Variants in BCAS3 observed in about 807,000 individuals in gnomAD.
BCAS3 encodes BCAS3 microtubule associated cell migration factor.
A neutral mutation model predicts 116.1 loss-of-function variants in BCAS3; 53 were observed. The ratio of observed to expected loss-of-function variants is 0.46; its 90% confidence interval spans 0.37 to 0.57. The LOEUF is 0.57. Ranked by LOEUF, BCAS3 falls within the 20% of genes least tolerant of loss-of-function variation. The pLI, the probability that BCAS3 is intolerant of heterozygous loss-of-function variation, is 0.00. For synonymous variants in BCAS3, 391 were observed against 408.2 expected, an observed-to-expected ratio of 0.96 and a Z score of 0.51; for missense variants, 917 against 1,165.4, an observed-to-expected ratio of 0.79 and a Z score of 3.10.
chr17:60,729,204 T>C (rs1333329035), intron 5 of BCAS3, among the ~76,000 whole-genome samples: 1 of 152,256 alleles, frequency 6.6e-6, no homozygotes, highest in Admixed American at 6.5e-5. Flanking sequence ...ATTTCACTAT[T>C]TAAATATACC....
chr17:60,701,740 A>T (rs2036419126), intron 4 of BCAS3, among the ~76,000 whole-genome samples: 1 of 150,830 alleles, frequency 6.6e-6, no homozygotes, highest in Non-Finnish European at 1.5e-5. Flanking sequence ...CAGGTGGATC[A>T]TTTGAGGTCA....
chr17:61,094,899 CATA>C (rs2073868978), intron 22 of BCAS3, among the ~76,000 whole-genome samples: 1 of 152,058 alleles, frequency 6.6e-6, no homozygotes, highest in Non-Finnish European at 1.5e-5. Flanking sequence ...TGATTTTTTG[CATA>C]ATAGATATTA....
intron 22 of BCAS3, among the ~76,000 whole-genome samples, chr17:61,230,269 G>T (rs534082873): frequency 1.5e-4 from 23 of 152,108 alleles, no homozygotes; most frequent in Non-Finnish European, 2.5e-4. Flanking sequence ...AAGCAAAACA[G>T]CTCTCCGTGG....
In BCAS3 at chr17:61,271,623, G is replaced by GTGTGT. The variant is rs2050282626; in HGVS notation, c.2426-96703_2426-96699dup. On this transcript the variant is annotated intron_variant, in intron 22 of 23. Coordinates refer to ENST00000407086, the MANE Select transcript of BCAS3 (RefSeq NM_017679.5). Reference sequence around the variant, plus strand: ...TGTGTGTGTGTGTGTGTGTGTGTGTGTGTGTGTGTGTTTAGTAGAGACGGG... The same window carrying GTGTGT: ...TGTGTGTGTGTGTGTGTGTGTGTGTGTGTGTTGTGTGTGTGTTTAGTAGAGACGGG... Among the ~76,000 whole-genome samples, 4 of 135,174 alleles carry GTGTGT rather than the reference G, an allele frequency of 3.0e-5. No individual in the cohort carries two copies. The South Asian group carries it at 1.0e-3, about 34-fold the overall frequency. The allele number at this position is 135,174 out of a possible 152,430, so 88.7% of individuals were successfully genotyped here.
chr17:60,795,142 T>C (rs2047102926), intron 6 of BCAS3, among the ~76,000 whole-genome samples: 1 of 152,188 alleles, frequency 6.6e-6, no homozygotes, highest in Non-Finnish European at 1.5e-5. Flanking sequence ...GTTATGTATA[T>C]TCCTAAGTAT....
intron 9 of BCAS3, among the ~76,000 whole-genome samples, chr17:60,887,765 G>GT (rs2056828870): frequency 1.3e-5 from 2 of 152,086 alleles, no homozygotes; most frequent in Non-Finnish European, 2.9e-5. Context: ...CAGTTTTTTT[G>GT]TTTTTTGAAA....
At chr17:60,934,211 C>T (rs2059805842) in intron 13 of BCAS3, among the ~76,000 whole-genome samples, 1 of 152,044 alleles carries the variant, frequency 6.6e-6, no homozygotes, top group African/African-American at 2.4e-5. Context: ...CAAAAATGCC[C>T]AGGTCCCACC....
At position 61,348,711 on chromosome 17, in the gene BCAS3, G is replaced by A. The variant is rs998119063; in HGVS notation, c.2426-19616G>A. On this transcript the variant is annotated intron_variant, in intron 22 of 23. Transcript: ENST00000407086. The surrounding 1 kb of genome is among the most constrained non-coding windows in gnomAD (Gnocchi z 4.5). Reference sequence around the variant, plus strand: ...TTGTACCTAAGCTGCCATGATCATGGGAGGACAGTCACGTGCTTCTTGCAA... The same window carrying A: ...TTGTACCTAAGCTGCCATGATCATGAGAGGACAGTCACGTGCTTCTTGCAA... Among the ~76,000 whole-genome samples, 10 of 151,876 alleles carry A rather than the reference G, an allele frequency of 6.6e-5. No individual in the cohort carries two copies. The highest frequency in any genetic ancestry group is 2.4e-4 in the African/African-American group (10 of 41,344).
rs1469360948 is a variant in BCAS3 at position 61,056,062 on chromosome 17, A to G, written c.2029+15170A>G. 1.3e-5 allele frequency among the ~76,000 whole-genome samples: 2 copies of G among 152,052 alleles called. No individual in the cohort carries two copies. The highest frequency in any genetic ancestry group is 4.8e-5 in the African/African-American group (2 of 41,398). ...AGTAACCAGGCTGGAAAAGGATTTGACCCTTCCTTGGTCACTGCATTCCAG... is the reference window on the plus strand; with the variant it reads ...AGTAACCAGGCTGGAAAAGGATTTGGCCCTTCCTTGGTCACTGCATTCCAG... On this transcript the variant is annotated intron_variant, in intron 19 of 23. Transcript: ENST00000407086. This position sits in a 1 kb window ranked among gnomAD's most constrained non-coding sequence, Gnocchi z 4.9.
At chr17:61,195,531 T>A (rs1478082369) in intron 22 of BCAS3, among the ~76,000 whole-genome samples, 4 of 65,324 alleles carry the variant, frequency 6.1e-5, no homozygotes, top group Non-Finnish European at 1.6e-4. Flanking sequence ...TGCTAAACTT[T>A]TCTTTTTCTT....
chr17:61,149,566 T>G (rs886422735), intron 22 of BCAS3, among the ~76,000 whole-genome samples: 1 of 152,212 alleles, frequency 6.6e-6, no homozygotes, highest in Admixed American at 6.5e-5. Context: ...TAAACAGTTT[T>G]GAGAAACATA....
At chr17:60,800,124 T>C (rs2047637912) in intron 6 of BCAS3, among the ~76,000 whole-genome samples, 1 of 152,224 alleles carries the variant, frequency 6.6e-6, no homozygotes, top group Non-Finnish European at 1.5e-5. Context: ...TGTTTTGTTT[T>C]TTTAATTTTT....
rs1366502296 is a variant in BCAS3 at position 61,021,255 on chromosome 17, T to C, written c.1637+5354T>C. ...TTGTATTTTTTGTAGAGATTGGGTT[T>C]CTCTATGTTGCCCAAGCTGGTCTTG... On this transcript the variant is annotated intron_variant, in intron 16 of 23. Coordinates refer to ENST00000407086, the MANE Select transcript of BCAS3 (RefSeq NM_017679.5). The surrounding 1 kb of genome is among the most constrained non-coding windows in gnomAD (Gnocchi z 4.6). Among the ~76,000 whole-genome samples, 4 of 152,144 alleles carry C rather than the reference T, an allele frequency of 2.6e-5. No individual in the cohort carries two copies. The highest frequency in any genetic ancestry group is 4.4e-5 in the Non-Finnish European group (3 of 68,014).
chr17:61,337,576 T>A lies in BCAS3; in HGVS notation c.2426-30751T>A, dbSNP rs767587534. On this transcript the variant is annotated intron_variant, in intron 22 of 23. Transcript: ENST00000407086. The surrounding 1 kb of genome is among the most constrained non-coding windows in gnomAD (Gnocchi z 4.8). ...CTTCCCTCGCCTTTGATTTGCCAAA[T>A]TCCATGTGAACAGCCTCTGCGTCTG... Among the ~76,000 whole-genome samples, 2 of 152,230 alleles carry A rather than the reference T, an allele frequency of 1.3e-5. No individual in the cohort carries two copies. Among genetic ancestry groups the A allele is most frequent in the Admixed American group, 6.5e-5 (1 of 15,284 alleles).
Position 61,142,269 on chromosome 17 carries a change from T to G in BCAS3, c.2425+57705T>G, listed in dbSNP as rs1369099442. ...CGGTTAGTAATTGGCAGAGCCAAAT[T>G]TAAACCCAGATCTGTACAATTGAAG... On this transcript the variant is annotated intron_variant, in intron 22 of 23. Coordinates refer to ENST00000407086, the MANE Select transcript of BCAS3 (RefSeq NM_017679.5). 2.0e-5 allele frequency among the ~76,000 whole-genome samples: 3 copies of G among 152,210 alleles called. No individual in the cohort carries two copies. The East Asian group carries it at 5.8e-4, about 29-fold the overall frequency.
chr17:60,700,320 GAC>G (rs2036227450), intron 4 of BCAS3, among the ~76,000 whole-genome samples: 1 of 152,180 alleles, frequency 6.6e-6, no homozygotes, highest in Admixed American at 6.6e-5. Context: ...TGTTTAGGAA[GAC>G]ACAGGGACTT....
rs1189387235 is a variant in BCAS3 at position 61,219,977 on chromosome 17, A to G, written c.2425+135413A>G. Among the ~76,000 whole-genome samples the G allele has an allele frequency of 6.6e-6, 1 of 152,196 alleles. No individual in the cohort carries two copies. The highest frequency in any genetic ancestry group is 1.5e-5 in the Non-Finnish European group (1 of 68,048). On this transcript the variant is annotated intron_variant, in intron 22 of 23. Coordinates refer to ENST00000407086, the MANE Select transcript of BCAS3 (RefSeq NM_017679.5). The surrounding 1 kb of genome is among the most constrained non-coding windows in gnomAD (Gnocchi z 5.2). ...GTTTGCCATTCCCACAACCTTTCAG[A>G]GGAAAATTCTGGTGTGCCGTTAAAA...
chr17:61,145,058 A>G lies in BCAS3; in HGVS notation c.2425+60494A>G, dbSNP rs1196807900. Among the ~76,000 whole-genome samples the G allele has an allele frequency of 6.6e-6, 1 of 152,212 alleles. No homozygotes were observed. Among genetic ancestry groups the G allele is most frequent in the Admixed American group, 6.5e-5 (1 of 15,280 alleles). On this transcript the variant is annotated intron_variant, in intron 22 of 23. Transcript: ENST00000407086. The surrounding 1 kb of genome is among the most constrained non-coding windows in gnomAD (Gnocchi z 5.0). ...ATAACAACTCCAGGCCAGCTGTCAAATGTTTACCATTATCAAAACTCTCCC... is the reference window on the plus strand; with the variant it reads ...ATAACAACTCCAGGCCAGCTGTCAAGTGTTTACCATTATCAAAACTCTCCC...
At chr17:61,274,118 C>T (rs533186403) in intron 22 of BCAS3, among the ~76,000 whole-genome samples, 2 of 150,602 alleles carry the variant, frequency 1.3e-5, no homozygotes, top group African/African-American at 2.4e-5. Flanking sequence ...ACTCCCCCCA[C>T]CCCACAACAG....
Sources: gnomAD v4.1 joint callset for allele counts (sites outside exome capture counted in the v4.1 genomes callset) on GRCh38, gnomAD v4.1.1 for gene constraint, Gnocchi (gnomAD v3.1) non-coding constraint, MANE v1.5 for transcripts, NCBI Gene and HGNC (gene_info 2026-07-23, HGNC 2026-07-21) for gene names.